PREPL: variants seen among roughly 807,000 people sequenced by gnomAD.
The protein encoded by PREPL is prolyl endopeptidase like, also known as prolyl endopeptidase-like.
PREPL carries 77 observed loss-of-function variants against 70.6 expected under a neutral mutation model. The observed-to-expected ratio is 1.09, with a 90% CI of 0.91 to 1.32. The LOEUF (loss-of-function observed/expected upper bound fraction) is 1.32. Ranked by LOEUF, PREPL falls within the 40% of genes most tolerant of loss-of-function variation. The pLI is 0.00. For synonymous variants in PREPL, 315 were observed against 264.8 expected, an observed-to-expected ratio of 1.19 and a Z score of -1.84; for missense variants, 1,002 against 778.2, an observed-to-expected ratio of 1.29 and a Z score of -3.42.
Position 44,320,863 on chromosome 2 carries a change from A to G in PREPL, c.*493T>C, listed in dbSNP as rs1672882659. On this transcript the variant is annotated 3_prime_UTR_variant, in exon 14 of 14. Coordinates refer to ENST00000409411, the MANE Select transcript of PREPL (RefSeq NM_001171613.2). ...GAGCTTATAACTTTATTCAGATAGC[A>G]TCAATCAGGGATGACCAGAACACAT... 21 of 559,286 alleles carry G rather than the reference A, an allele frequency of 3.8e-5. No individual in the cohort carries two copies. In the Admixed American group the frequency reaches 6.1e-4, roughly 16 times the overall value. The allele number at this position is 559,286 out of a possible 1,614,324, so 34.6% of individuals were successfully genotyped here.
At chr2:44,359,468 A>C (rs753453010) in intron 1 of PREPL, 4 of 1,480,142 alleles carry the variant, frequency 2.7e-6, no homozygotes, top group Non-Finnish European at 3.7e-6. Flanking sequence ...TTAATGACCT[A>C]CAAATAGGTT....
chr2:44,342,316 G>A, intron 5 of PREPL, 101 bp downstream of exon 5: 2 of 1,096,938 alleles, frequency 1.8e-6, no homozygotes, highest in Non-Finnish European at 2.5e-6. Context: ...TATTATTCCT[G>A]GTTCCAACCA....
At chr2:44,340,538 G>A (rs534960780) in intron 5 of PREPL, among the ~76,000 whole-genome samples, 1 of 152,136 alleles carries the variant, frequency 6.6e-6, no homozygotes, top group South Asian at 2.1e-4. Context: ...ACATTACCAT[G>A]TTTATTTGTC....
intron 1 of PREPL, 103 bp downstream of exon 1, chr2:44,361,277 G>A (rs1677766402): frequency 6.6e-6 from 1 of 152,548 alleles, no homozygotes; most frequent in African/African-American, 2.4e-5. Context: ...ACGCAGTGCC[G>A]GGACATTAGT....
chr2:44,353,927 G>A (rs1006127595), intron 1 of PREPL, among the ~76,000 whole-genome samples: 1 of 152,180 alleles, frequency 6.6e-6, no homozygotes, highest in South Asian at 2.1e-4. Context: ...CTGGGAGGCT[G>A]AGGCAGGAGG....
At chr2:44,334,106 G>T (rs185463893) in intron 7 of PREPL, among the ~76,000 whole-genome samples, 3 of 152,308 alleles carry the variant, frequency 2.0e-5, no homozygotes, top group Admixed American at 1.3e-4. Context: ...ACTTTTAGAA[G>T]TTCATCCAGC....
At chr2:44,328,073 G>A (rs1047719141) in intron 9 of PREPL, among the ~76,000 whole-genome samples, 1 of 149,978 alleles carries the variant, frequency 6.7e-6, no homozygotes, top group African/African-American at 2.5e-5. Context: ...ATCACTTGAG[G>A]TCAGGAGTTC....
rs72875321 is a variant in PREPL, at chr2:44,344,136, C to T, written c.143-185G>A. Among the ~76,000 whole-genome samples the T allele has an allele frequency of 0.025, 3,829 of 152,226 alleles. 143 individuals carry two copies. The highest frequency in any genetic ancestry group is 0.086 in the African/African-American group (3,559 of 41,522). On this transcript the variant is annotated intron_variant, in intron 3 of 13. Coordinates refer to ENST00000409411, the MANE Select transcript of PREPL (RefSeq NM_001171613.2). ...ATAAGTTATTTAATATTACCTTATA[C>T]TATTCAATACTATTCTGTGCATCAA...
At chr2:44,353,241 T>C (rs990776480) in intron 1 of PREPL, among the ~76,000 whole-genome samples, 33 of 152,084 alleles carry the variant, frequency 2.2e-4, no homozygotes, top group Admixed American at 1.8e-3. Context: ...GCTCTGTGGC[T>C]TTAGTTTCTT....
At position 44,321,312 on chromosome 2, in the gene PREPL, G is replaced by C; in HGVS notation, c.*44C>G. ...CTAACTCAATTGGAAGTAAGACTATGAAATATTTCAGTGTGTTTCCAATTC... is the reference window on the plus strand; with the variant it reads ...CTAACTCAATTGGAAGTAAGACTATCAAATATTTCAGTGTGTTTCCAATTC... On this transcript the variant is annotated 3_prime_UTR_variant, in exon 14 of 14. Transcript: ENST00000409411. 6.9e-7 allele frequency: 1 copy of C among 1,453,882 alleles called. No homozygotes were observed. Among genetic ancestry groups the C allele is most frequent in the Non-Finnish European group, 9.6e-7 (1 of 1,044,636 alleles). The allele number at this position is 1,453,882 out of a possible 1,614,324, so 90.1% of individuals were successfully genotyped here.
Position 44,340,884 on chromosome 2 carries a change from C to T in PREPL, c.486-1521G>A, listed in dbSNP as rs192924370. On this transcript the variant is annotated intron_variant, in intron 5 of 13. Coordinates refer to ENST00000409411, the MANE Select transcript of PREPL (RefSeq NM_001171613.2). Reference sequence around the variant, plus strand: ...CAGAGGTTGCAGTGAGCTGAGATTGCGCCACTGCACTCCAGTCTGGGTGAC... The same window carrying T: ...CAGAGGTTGCAGTGAGCTGAGATTGTGCCACTGCACTCCAGTCTGGGTGAC... Among the ~76,000 whole-genome samples, 256 of 149,248 alleles carry T rather than the reference C, an allele frequency of 1.7e-3. 1 individual carries two copies. Among genetic ancestry groups the T allele is most frequent in the African/African-American group, 5.8e-3 (232 of 40,138 alleles).
At chr2:44,336,642 C>G (rs1474335980) in intron 7 of PREPL, among the ~76,000 whole-genome samples, 1 of 151,920 alleles carries the variant, frequency 6.6e-6, no homozygotes, top group African/African-American at 2.4e-5. Context: ...GACAATTTAT[C>G]TATTAAACCA....
At chr2:44,344,679 A>G (rs962171762) in intron 2 of PREPL, 93 bp from the exon 3 acceptor site, 1 of 914,426 alleles carries the variant, frequency 1.1e-6, no homozygotes, top group Non-Finnish European at 1.6e-6. Context: ...GAAGACTCTT[A>G]TAAAAAACAG....
chr2:44,338,989 A>G (rs1398674032), intron 6 of PREPL, among the ~76,000 whole-genome samples, 158 bp downstream of exon 6: 1 of 152,252 alleles, frequency 6.6e-6, no homozygotes, highest in Non-Finnish European at 1.5e-5. Flanking sequence ...TAAAATATGT[A>G]GAGGCATTAG....
At chr2:44,358,443 CAAG>C (rs1305654358) in intron 1 of PREPL, among the ~76,000 whole-genome samples, 4 of 152,018 alleles carry the variant, frequency 2.6e-5, no homozygotes, top group Non-Finnish European at 5.9e-5. Flanking sequence ...GAAACTATTG[CAAG>C]AATACCACCC....
intron 7 of PREPL, among the ~76,000 whole-genome samples, chr2:44,337,842 C>G (rs555719453): frequency 6.6e-6 from 1 of 152,188 alleles, no homozygotes; most frequent in Non-Finnish European, 1.5e-5. Context: ...CACTGCTACT[C>G]CTACACTGAA....
chr2:44,341,715 G>T (rs1675241814), intron 5 of PREPL, among the ~76,000 whole-genome samples: 1 of 150,632 alleles, frequency 6.6e-6, no homozygotes. Context: ...AAATAATAAT[G>T]CTTATTACAA....
At chr2:44,336,714 A>G (rs1674680328) in intron 7 of PREPL, among the ~76,000 whole-genome samples, 1 of 152,168 alleles carries the variant, frequency 6.6e-6, no homozygotes, top group Admixed American at 6.5e-5. Context: ...TAAAATAATA[A>G]TATTAAAATT....
At chr2:44,327,687 C>T (rs1673653122) in intron 9 of PREPL, among the ~76,000 whole-genome samples, 1 of 151,478 alleles carries the variant, frequency 6.6e-6, no homozygotes, top group African/African-American at 2.4e-5. Flanking sequence ...ATGGTGAAAC[C>T]CCCGTCTCTC....
Sources: gnomAD v4.1 joint callset for allele counts (sites outside exome capture counted in the v4.1 genomes callset) on GRCh38, gnomAD v4.1.1 for gene constraint, MANE v1.5 for transcripts, NCBI Gene and HGNC (gene_info 2026-07-23, HGNC 2026-07-21) for gene names.